The following ITFG1 variants were observed in gnomAD, a reference collection of about 807,000 sequenced individuals.
The protein encoded by ITFG1 is integrin alpha FG-GAP repeat containing 1, also known as T-cell immunomodulatory protein.
In ITFG1, 34 loss-of-function variants were observed where a neutral mutation model predicts 81.8. The observed-to-expected ratio is 0.42, with a 90% CI of 0.32 to 0.55. ITFG1 has a LOEUF of 0.55. Among genes scored for constraint, ITFG1 ranks in the 20% least tolerant of loss-of-function variants. ITFG1 has a pLI of 0.17. For synonymous variants in ITFG1, 285 were observed against 270.6 expected, an observed-to-expected ratio of 1.05 and a Z score of -0.52; for missense variants, 672 against 755.4, an observed-to-expected ratio of 0.89 and a Z score of 1.29.
At chr16:47,391,492 C>T (rs1289222778) in intron 6 of ITFG1, among the ~76,000 whole-genome samples, 4 of 152,060 alleles carry the variant, frequency 2.6e-5, no homozygotes, top group Admixed American at 2.0e-4. Context: ...ATGTTTAGGT[C>T]GTATTTAATG....
At chr16:47,392,709 G>A (rs763252834) in intron 6 of ITFG1, among the ~76,000 whole-genome samples, 3 of 152,188 alleles carry the variant, frequency 2.0e-5, no homozygotes, top group Non-Finnish European at 4.4e-5. Context: ...GGAAAAGGGT[G>A]AAATGAAATA....
chr16:47,237,875 AT>A lies in ITFG1; in HGVS notation c.1374+89del, dbSNP rs1965894012. On this transcript the variant is annotated intron_variant, in intron 13 of 17. Coordinates refer to ENST00000320640, the MANE Select transcript of ITFG1 (RefSeq NM_030790.5). Reference sequence around the variant, plus strand: ...TTAATCACTGCCAGATAATAATGATATTTGATAATCTATAACAACTATTTTG... The same window carrying A: ...TTAATCACTGCCAGATAATAATGATATTGATAATCTATAACAACTATTTTG... 17 of 653,004 alleles carry A rather than the reference AT, an allele frequency of 2.6e-5. 2 individuals are homozygous for A. In the South Asian group the frequency reaches 3.1e-4, roughly 12 times the overall value. 40.5% of individuals were successfully genotyped at this position (653,004 alleles called of 1,614,324 possible). A position where few individuals can be genotyped will look rare whatever the true frequency, so the allele number is the denominator to read the frequency against.
rs1218538476 is a variant in ITFG1, at chr16:47,410,053, C to T, written c.655+18751G>A. Among the ~76,000 whole-genome samples the T allele has an allele frequency of 2.5e-4, 38 of 152,110 alleles. 2 individuals are homozygous for T. Among genetic ancestry groups the T allele is most frequent in the Non-Finnish European group, 1.2e-4 (8 of 68,034 alleles). ...CTCCGGGAGGCCAAGGCAAGAGGAT[C>T]GTTTGAGCTTAGGAGTTCAAGACAA... On this transcript the variant is annotated intron_variant, in intron 6 of 17. Transcript: ENST00000320640.
intron 6 of ITFG1, among the ~76,000 whole-genome samples, chr16:47,388,133 T>G (rs763232587): frequency 6.6e-6 from 1 of 152,106 alleles, no homozygotes; most frequent in Non-Finnish European, 1.5e-5. Context: ...CATGACAGAT[T>G]AAGCAGCCTG....
chr16:47,300,048 A>C (rs1967051861), intron 10 of ITFG1: 2 of 152,006 alleles, frequency 1.3e-5, no homozygotes. Flanking sequence ...TCTCCTGGCT[A>C]CTCCCTAAGT....
chr16:47,382,519 C>A (rs1384145031), intron 6 of ITFG1, among the ~76,000 whole-genome samples: 1 of 152,100 alleles, frequency 6.6e-6, no homozygotes, highest in Non-Finnish European at 1.5e-5. Context: ...CAAGACGGTA[C>A]ACAACAAGTT....
chr16:47,178,327 C>T (rs1012534714), intron 14 of ITFG1, among the ~76,000 whole-genome samples: 1 of 152,162 alleles, frequency 6.6e-6, no homozygotes, highest in Non-Finnish European at 1.5e-5. Context: ...AATTATAAAT[C>T]CAAGACCTGT....
chr16:47,353,524 T>TA (rs923277972), intron 8 of ITFG1, among the ~76,000 whole-genome samples: 12 of 151,224 alleles, frequency 7.9e-5, no homozygotes, highest in South Asian at 2.1e-4. Context: ...CCACTTGTAT[T>TA]AAAAAAAAAT....
At chr16:47,287,291 G>A (rs973359587) in intron 10 of ITFG1, among the ~76,000 whole-genome samples, 8 of 152,020 alleles carry the variant, frequency 5.3e-5, no homozygotes, top group East Asian at 1.9e-4. Context: ...TCTATTGCCC[G>A]GACTGGTCTT....
chr16:47,324,267 T>C (rs1007252831), intron 8 of ITFG1, among the ~76,000 whole-genome samples: 1 of 151,646 alleles, frequency 6.6e-6, no homozygotes, highest in African/African-American at 2.4e-5. Context: ...AATAAAATAC[T>C]TTCCAGACAA....
chr16:47,236,014 T>A (rs1477940520), intron 13 of ITFG1, among the ~76,000 whole-genome samples: 1 of 152,226 alleles, frequency 6.6e-6, no homozygotes, highest in Non-Finnish European at 1.5e-5. Flanking sequence ...AGATACATTA[T>A]CTGCAGAAAA....
At chr16:47,187,013 T>G (rs571536629) in intron 14 of ITFG1, among the ~76,000 whole-genome samples, 2,133 of 152,104 alleles carry the variant, frequency 0.014, 51 homozygotes, top group African/African-American at 0.049. Flanking sequence ...CATTCACAAT[T>G]GCTTCAAAGA....
rs1288157835 is a variant in ITFG1, at chr16:47,246,419, C to T, written c.1331-8411G>A. 2.0e-5 allele frequency among the ~76,000 whole-genome samples: 3 copies of T among 152,108 alleles called. No homozygotes were observed. The East Asian group carries it at 5.8e-4, about 29-fold the overall frequency. On this transcript the variant is annotated intron_variant, in intron 12 of 17. Transcript: ENST00000320640. ...GTCTACATAATACAAATAGAGTATG[C>T]ATTTCCTTGGTTTTTGCAACCACAG...
intron 6 of ITFG1, among the ~76,000 whole-genome samples, chr16:47,399,659 T>A (rs1567486697): frequency 1.3e-5 from 2 of 152,184 alleles, no homozygotes; most frequent in African/African-American, 2.4e-5. Flanking sequence ...TCGTGCAGAA[T>A]ACACTTATAA....
intron 14 of ITFG1, among the ~76,000 whole-genome samples, chr16:47,166,472 C>T (rs1964891164): frequency 6.6e-6 from 1 of 152,146 alleles, no homozygotes; most frequent in Non-Finnish European, 1.5e-5. Flanking sequence ...GTATTATTTT[C>T]ACTCAGTATT....
intron 10 of ITFG1, among the ~76,000 whole-genome samples, chr16:47,265,547 T>C (rs1032872459): frequency 1.3e-5 from 2 of 152,066 alleles, no homozygotes; most frequent in African/African-American, 4.8e-5. Flanking sequence ...ATCATAAAGG[T>C]TCTGAAACTA....
chr16:47,226,328 G>T (rs1965756554), intron 13 of ITFG1, among the ~76,000 whole-genome samples: 1 of 152,166 alleles, frequency 6.6e-6, no homozygotes. Flanking sequence ...TTCTGCCTCA[G>T]CCTCCCAAGT....
intron 5 of ITFG1, among the ~76,000 whole-genome samples, chr16:47,445,808 T>G (rs938365777): frequency 1.3e-5 from 2 of 152,150 alleles, no homozygotes; most frequent in African/African-American, 4.8e-5. Flanking sequence ...AAGTCCAAGC[T>G]AGCCATGGAG....
intron 10 of ITFG1, among the ~76,000 whole-genome samples, chr16:47,289,792 A>G (rs989297199): frequency 9.9e-5 from 15 of 152,058 alleles, no homozygotes; most frequent in African/African-American, 3.6e-4. Context: ...CTTTTCAAAA[A>G]TCAACTTTTG....
Sources: gnomAD v4.1 joint callset for allele counts (sites outside exome capture counted in the v4.1 genomes callset) on GRCh38, gnomAD v4.1.1 for gene constraint, MANE v1.5 for transcripts, NCBI Gene and HGNC (gene_info 2026-07-23, HGNC 2026-07-21) for gene names.